MBNL2: variants seen among roughly 807,000 people sequenced by gnomAD.
MBNL2 encodes muscleblind like splicing regulator 2.
Under a neutral mutation model 41.9 loss-of-function variants are expected in MBNL2, and 17 were observed. The observed-to-expected ratio is 0.41, with a 90% confidence interval of 0.28 to 0.61. The LOEUF (loss-of-function observed/expected upper bound fraction) is 0.61. Ranked by LOEUF, MBNL2 falls within the 20% of genes least tolerant of loss-of-function variation. MBNL2 has a pLI of 0.35. For synonymous variants in MBNL2, 195 were observed against 182.9 expected, an observed-to-expected ratio of 1.07 and a Z score of -0.53; for missense variants, 336 against 505.6, an observed-to-expected ratio of 0.66 and a Z score of 3.22.
At chr13:97,358,545 T>C (rs2063163096) in intron 7 of MBNL2, among the ~76,000 whole-genome samples, 1 of 152,148 alleles carries the variant, frequency 6.6e-6, no homozygotes, top group East Asian at 1.9e-4. Context: ...GTATAAATCA[T>C]GTCATCCCTC....
chr13:97,218,367 G>A (rs1235192122), upstream of MBNL2, among the ~76,000 whole-genome samples: 4 of 146,050 alleles, frequency 2.7e-5, no homozygotes, highest in East Asian at 2.1e-4. Flanking sequence ...CCAAGATCGC[G>A]CCACTACACT....
chr13:97,174,811 G>A, the MBNL2 span, among the ~76,000 whole-genome samples: 1 of 151,984 alleles, frequency 6.6e-6, no homozygotes, highest in Non-Finnish European at 1.5e-5. Context: ...GAATACTAAG[G>A]CCAGTGGAAA....
At chr13:97,322,199 C>T (rs2059559439) in intron 2 of MBNL2, among the ~76,000 whole-genome samples, 1 of 152,162 alleles carries the variant, frequency 6.6e-6, no homozygotes, top group Non-Finnish European at 1.5e-5. Context: ...CCCTGTACCT[C>T]TGCTCTGCAT....
chr13:97,183,820 C>T, the MBNL2 span, among the ~76,000 whole-genome samples: 1 of 152,198 alleles, frequency 6.6e-6, no homozygotes, highest in Non-Finnish European at 1.5e-5. Flanking sequence ...TCTGGCATTA[C>T]CAATCTTTCT....
At chr13:97,199,183 T>C in the MBNL2 span, among the ~76,000 whole-genome samples, 1 of 152,310 alleles carries the variant, frequency 6.6e-6, no homozygotes, top group South Asian at 2.1e-4. Flanking sequence ...TCCTAGATAC[T>C]GGTCCTCCAG....
At chr13:97,175,154 C>A in the MBNL2 span, among the ~76,000 whole-genome samples, 1 of 152,124 alleles carries the variant, frequency 6.6e-6, no homozygotes, top group African/African-American at 2.4e-5. Flanking sequence ...GTCTCAGGGA[C>A]TTCCCAACAG....
chr13:97,239,274 A>G (rs1397711625), intron 1 of MBNL2, among the ~76,000 whole-genome samples: 2 of 152,376 alleles, frequency 1.3e-5, no homozygotes, highest in African/African-American at 4.8e-5. Context: ...CAACCTGCCA[A>G]TATAGATACC....
the MBNL2 span, among the ~76,000 whole-genome samples, chr13:97,209,285 C>T: frequency 4.6e-5 from 7 of 152,118 alleles, no homozygotes; most frequent in East Asian, 1.9e-4. Context: ...TAATAGAGTA[C>T]GAATCTTTGC....
At chr13:97,373,970 C>G (rs2153140889) in intron 8 of MBNL2, among the ~76,000 whole-genome samples, 1 of 150,990 alleles carries the variant, frequency 6.6e-6, no homozygotes, top group South Asian at 2.1e-4. Context: ...CAATTCTGTG[C>G]AGCTGAAGAG....
chr13:97,189,610 A>C, the MBNL2 span, among the ~76,000 whole-genome samples: 4 of 152,238 alleles, frequency 2.6e-5, no homozygotes, highest in African/African-American at 9.6e-5. Flanking sequence ...ATGCATGCAC[A>C]CATGAGCATA....
chr13:97,392,639 G>A lies in MBNL2; in HGVS notation c.*1190G>A, dbSNP rs964483540. The A allele has an allele frequency of 4.6e-5, 7 of 152,044 alleles. No homozygotes were observed. The highest frequency in any genetic ancestry group is 1.7e-4 in the African/African-American group (7 of 41,284). The allele number at this position is 152,044 out of a possible 1,614,324, so 9.4% of individuals were successfully genotyped here. On this transcript the variant is annotated 3_prime_UTR_variant, in exon 9 of 9. Transcript: ENST00000679496. ...ATGTTGTTTACTTTTTTAAATACTT[G>A]GTTGATCTTCAAGGTAATAGCGATA...
chr13:97,296,528 T>C (rs79076018), intron 2 of MBNL2, among the ~76,000 whole-genome samples: 1 of 152,312 alleles, frequency 6.6e-6, no homozygotes, highest in East Asian at 1.9e-4. Flanking sequence ...TGTGGTATGA[T>C]GCTCAGCACA....
the MBNL2 span, among the ~76,000 whole-genome samples, chr13:97,158,235 G>T: frequency 2.0e-5 from 3 of 151,626 alleles, no homozygotes; most frequent in Non-Finnish European, 2.9e-5. Context: ...TGGGATCAGT[G>T]GTGATATCTC....
chr13:97,171,104 G>C, the MBNL2 span, among the ~76,000 whole-genome samples: 1 of 152,194 alleles, frequency 6.6e-6, no homozygotes, highest in Non-Finnish European at 1.5e-5. Context: ...TGATCTCACA[G>C]TTTGCACAGG....
intron 1 of MBNL2, among the ~76,000 whole-genome samples, chr13:97,227,229 A>G (rs1404312411): frequency 6.6e-6 from 1 of 152,164 alleles, no homozygotes; most frequent in Admixed American, 6.5e-5. Context: ...GGATGTAGCC[A>G]TGTTTATAGA....
intron 4 of MBNL2, among the ~76,000 whole-genome samples, chr13:97,345,227 C>A (rs1218345664): frequency 6.6e-6 from 1 of 152,166 alleles, no homozygotes; most frequent in East Asian, 1.9e-4. Context: ...CATATAACAT[C>A]ACTAATGATC....
intron 1 of MBNL2, among the ~76,000 whole-genome samples, chr13:97,259,654 TCTC>T (rs2048238360): frequency 6.6e-6 from 1 of 152,144 alleles, no homozygotes. Flanking sequence ...AAAATACACT[TCTC>T]CTTAAATCAG....
At chr13:97,344,299 C>T (rs570669546) in intron 4 of MBNL2, among the ~76,000 whole-genome samples, 1 of 152,326 alleles carries the variant, frequency 6.6e-6, no homozygotes, top group East Asian at 1.9e-4. Context: ...TGCTATATCC[C>T]TATGATATTC....
chr13:97,156,938 T>C, the MBNL2 span, among the ~76,000 whole-genome samples: 6 of 152,012 alleles, frequency 3.9e-5, no homozygotes, highest in East Asian at 9.7e-4. Context: ...AAGAAAGTCA[T>C]TGGTAGCTTG....
Sources: allele counts gnomAD v4.1 joint callset (sites outside exome capture counted in the v4.1 genomes callset), GRCh38; gene constraint gnomAD v4.1.1; transcripts MANE v1.5; gene names NCBI Gene and HGNC (gene_info 2026-07-23, HGNC 2026-07-21).